The following CNTN4 variants were observed in gnomAD, a reference collection of about 807,000 sequenced individuals.
The protein encoded by CNTN4 is contactin 4.
In CNTN4, 77 loss-of-function variants were observed where a neutral mutation model predicts 122.5. The ratio of observed to expected loss-of-function variants is 0.63; its 90% CI spans 0.52 to 0.76. The LOEUF (loss-of-function observed/expected upper bound fraction) is 0.76, where lower values mean the gene tolerates loss of function less well. CNTN4 is among the 30% of genes least tolerant of loss of function. CNTN4 has a pLI of 0.00. For synonymous variants in CNTN4, 512 were observed against 447.0 expected, an observed-to-expected ratio of 1.15 and a Z score of -1.83; for missense variants, 1,256 against 1,259.1, an observed-to-expected ratio of 1.00 and a Z score of 0.04.
rs1481710094 is a variant in CNTN4 at position 2,385,325 on chromosome 3, A to C, written c.-89+46092A>C. On this transcript the variant is annotated intron_variant, in intron 3 of 24. Transcript: ENST00000418658. The surrounding 1 kb of genome is among the most constrained non-coding windows in gnomAD (Gnocchi z 4.0). ...CTCCCAACAAACAATACCTGTTTATAGTTTTGTTTATATTACTCTTGTTGC... is the reference window on the plus strand; with the variant it reads ...CTCCCAACAAACAATACCTGTTTATCGTTTTGTTTATATTACTCTTGTTGC... Among the ~76,000 whole-genome samples, 2 of 152,044 alleles carry C rather than the reference A, an allele frequency of 1.3e-5. No homozygotes were observed. Among genetic ancestry groups the C allele is most frequent in the African/African-American group, 4.8e-5 (2 of 41,434 alleles).
At chr3:2,269,735 G>C (rs2041195356) in intron 2 of CNTN4, among the ~76,000 whole-genome samples, 1 of 152,042 alleles carries the variant, frequency 6.6e-6, no homozygotes, top group Admixed American at 6.6e-5. Flanking sequence ...TTGGAGAAAA[G>C]AGACCTGATG....
chr3:3,049,938 C>T (rs1374231103), intron 23 of CNTN4, among the ~76,000 whole-genome samples: 1 of 152,162 alleles, frequency 6.6e-6, no homozygotes, highest in African/African-American at 2.4e-5. Flanking sequence ...TATTCTGGAT[C>T]GCACTTTTGT....
At chr3:2,652,740 A>AT (rs1305161743) in intron 4 of CNTN4, among the ~76,000 whole-genome samples, 2 of 152,120 alleles carry the variant, frequency 1.3e-5, no homozygotes, top group East Asian at 3.9e-4. Flanking sequence ...GTGATTTTTT[A>AT]TAGTGCAGAG....
At chr3:2,121,080 C>T (rs886136094) in intron 2 of CNTN4, among the ~76,000 whole-genome samples, 55 of 143,280 alleles carry the variant, frequency 3.8e-4, no homozygotes, top group African/African-American at 1.3e-3. Flanking sequence ...TCCTTCCTCC[C>T]TCCCTTCCTT....
Position 2,631,262 on chromosome 3 carries a change from A to G in CNTN4, c.55+59704A>G, listed in dbSNP as rs904266505. 6.6e-5 allele frequency among the ~76,000 whole-genome samples: 10 copies of G among 152,310 alleles called. No homozygotes were observed. In the East Asian group the frequency reaches 1.9e-3, roughly 29 times the overall value. ...ATAGTATGATGGGTTATTGTGATGA[A>G]TATTTAGTTTTGAAAGACTTCATTT... is the stretch of plus-strand genomic sequence containing the variant. On this transcript the variant is annotated intron_variant, in intron 4 of 24. Transcript: ENST00000418658.
intron 2 of CNTN4, among the ~76,000 whole-genome samples, chr3:2,166,211 C>T (rs2036187020): frequency 6.6e-6 from 1 of 152,012 alleles, no homozygotes; most frequent in South Asian, 2.1e-4. Flanking sequence ...TCGTTTTCAC[C>T]ACATCCTTGC....
intron 2 of CNTN4, among the ~76,000 whole-genome samples, chr3:2,316,184 A>T (rs148828651): frequency 6.6e-6 from 1 of 152,242 alleles, no homozygotes; most frequent in East Asian, 1.9e-4. Flanking sequence ...AATAAATGGA[A>T]ATAACAGTAG....
Position 2,794,318 on chromosome 3 carries a change from CAGAG to C in CNTN4, c.359-25164_359-25161del, listed in dbSNP as rs890911761. On this transcript the variant is annotated intron_variant, in intron 6 of 24. Transcript: ENST00000418658. ...TATGCTTAGGAAGGACACTGATTCT[CAGAG>C]AGATCAACAATTAACAGTTCACATC... Among the ~76,000 whole-genome samples, 23 of 152,296 alleles carry C rather than the reference CAGAG, an allele frequency of 1.5e-4. 1 individual carries two copies. Among genetic ancestry groups the C allele is most frequent in the African/African-American group, 5.3e-4 (22 of 41,566 alleles).
chr3:2,371,153 C>A (rs975852863), intron 3 of CNTN4, among the ~76,000 whole-genome samples: 2 of 152,136 alleles, frequency 1.3e-5, no homozygotes, highest in Non-Finnish European at 2.9e-5. Flanking sequence ...CCCAGAGGTT[C>A]CTTCTAACAT....
At chr3:2,301,377 T>C (rs2042512559) in intron 2 of CNTN4, among the ~76,000 whole-genome samples, 1 of 152,232 alleles carries the variant, frequency 6.6e-6, no homozygotes, top group Admixed American at 6.5e-5. Context: ...TTAGGTATTT[T>C]ATTAAACACA....
intron 6 of CNTN4, among the ~76,000 whole-genome samples, chr3:2,808,886 G>A (rs2092536740): frequency 6.6e-6 from 1 of 152,218 alleles, no homozygotes; most frequent in African/African-American, 2.4e-5. Context: ...TAGCCAAGAT[G>A]CTGGAAAGCA....
At chr3:2,651,507 G>T (rs1036646666) in intron 4 of CNTN4, among the ~76,000 whole-genome samples, 40 of 151,944 alleles carry the variant, frequency 2.6e-4, no homozygotes, top group Admixed American at 2.6e-3. Flanking sequence ...TATAATCTGG[G>T]TGTTACACTG....
chr3:2,214,236 A>C (rs560939006), intron 2 of CNTN4, among the ~76,000 whole-genome samples: 1 of 152,194 alleles, frequency 6.6e-6, no homozygotes, highest in South Asian at 2.1e-4. Flanking sequence ...GCTTAAGGGG[A>C]TACACACTTC....
chr3:2,121,329 C>G (rs2033766644), intron 2 of CNTN4, among the ~76,000 whole-genome samples: 1 of 152,062 alleles, frequency 6.6e-6, no homozygotes, highest in Non-Finnish European at 1.5e-5. Flanking sequence ...GAAACCCCGT[C>G]TCTACTAAAA....
intron 14 of CNTN4, among the ~76,000 whole-genome samples, chr3:3,023,569 A>G (rs949698829): frequency 6.6e-6 from 1 of 152,198 alleles, no homozygotes; most frequent in African/African-American, 2.4e-5. Flanking sequence ...TGCTAGCCCA[A>G]AAGTTGTCAG....
chr3:3,051,954 T>A (rs1347854425), intron 23 of CNTN4, among the ~76,000 whole-genome samples: 1 of 152,120 alleles, frequency 6.6e-6, no homozygotes, highest in Non-Finnish European at 1.5e-5. Context: ...GCACTGGCAT[T>A]AGCTGGGAAC....
At chr3:2,324,958 T>A (rs1161782939) in intron 2 of CNTN4, among the ~76,000 whole-genome samples, 1 of 152,222 alleles carries the variant, frequency 6.6e-6, no homozygotes, top group Admixed American at 6.5e-5. Flanking sequence ...TTCATTCCCT[T>A]ATTTTCAGTG....
intron 4 of CNTN4, among the ~76,000 whole-genome samples, chr3:2,638,745 G>A (rs11705822): frequency 0.022 from 3,379 of 152,174 alleles, 39 homozygotes; most frequent in Middle Eastern, 0.051. Context: ...CCCCAAACCT[G>A]TGTCACCTGC....
At chr3:2,445,433 A>G (rs918990687) in intron 3 of CNTN4, among the ~76,000 whole-genome samples, 2 of 152,188 alleles carry the variant, frequency 1.3e-5, no homozygotes, top group Admixed American at 1.3e-4. Flanking sequence ...GGAACCAAGG[A>G]TGTCATGGAA....
Sources: gnomAD v4.1 joint callset for allele counts (sites outside exome capture counted in the v4.1 genomes callset) on GRCh38, gnomAD v4.1.1 for gene constraint, Gnocchi (gnomAD v3.1) non-coding constraint, MANE v1.5 for transcripts, NCBI Gene and HGNC (gene_info 2026-07-23, HGNC 2026-07-21) for gene names.